The following KPNA7 variants were observed in gnomAD, a reference collection of about 807,000 sequenced individuals.
KPNA7 encodes karyopherin subunit alpha 7.
In KPNA7, 54 loss-of-function variants were observed where a neutral mutation model predicts 53.7. The ratio of observed to expected loss-of-function variants is 1.01; its 90% CI spans 0.81 to 1.26. KPNA7 has a LOEUF of 1.26. KPNA7 is among the 50% of genes most tolerant of loss of function. KPNA7 has a pLI of 0.00. For synonymous variants in KPNA7, 276 were observed against 259.3 expected (o/e 1.06, Z -0.62); for missense variants, 640 against 644.5 (o/e 0.99, Z 0.07).
At chr7:99,193,425 C>T (rs1382467637) in intron 5 of KPNA7, among the ~76,000 whole-genome samples, 1 of 152,196 alleles carries the variant, frequency 6.6e-6, no homozygotes, top group African/African-American at 2.4e-5. Flanking sequence ...TCCCAGAAGA[C>T]CTTGGCACAG....
upstream of KPNA7, among the ~76,000 whole-genome samples, chr7:99,209,682 C>CAAAAAAAAAAA (rs60377276): frequency 4.5e-4 from 33 of 73,528 alleles, no homozygotes; most frequent in African/African-American, 1.4e-3. Flanking sequence ...GACTCCAACT[C>CAAAAAAAAAAA]AAAAAAAAAA....
At chr7:99,206,047 T>TAC (rs1442523266) in intron 2 of KPNA7, among the ~76,000 whole-genome samples, 1 of 152,172 alleles carries the variant, frequency 6.6e-6, no homozygotes, top group Non-Finnish European at 1.5e-5. Flanking sequence ...CTGTTGGCCA[T>TAC]ACCTATATGC....
the KPNA7 span, among the ~76,000 whole-genome samples, chr7:99,152,170 C>T: frequency 1.3e-4 from 20 of 151,824 alleles, no homozygotes; most frequent in Non-Finnish European, 2.5e-4. Context: ...GGCGACAGAG[C>T]GAGATTCTGT....
In KPNA7 at chr7:99,207,297, T is replaced by C; in HGVS notation, c.66+104A>G. The C allele has an allele frequency of 3.4e-6, 3 of 882,970 alleles. No homozygotes were observed. In the South Asian group the frequency reaches 4.3e-5, roughly 13 times the overall value. The allele number at this position is 882,970 out of a possible 1,614,324, so 54.7% of individuals were successfully genotyped here. On this transcript the variant is annotated intron_variant, in intron 2 of 10. Coordinates refer to ENST00000327442, the MANE Select transcript of KPNA7 (RefSeq NM_001145715.3). ...ATCTGCCCGTCTCAGCCTCTCAAAG[T>C]GTTGGGATTACAGGCATGAGCCACC...
intron 3 of KPNA7, among the ~76,000 whole-genome samples, chr7:99,201,685 A>AC (rs1790544872): frequency 6.7e-6 from 1 of 148,672 alleles, no homozygotes; most frequent in Non-Finnish European, 1.5e-5. Context: ...CTAATATGGG[A>AC]CCAAAAGAAA....
At chr7:99,154,818 C>A in the KPNA7 span, among the ~76,000 whole-genome samples, 1 of 152,034 alleles carries the variant, frequency 6.6e-6, no homozygotes, top group South Asian at 2.1e-4. Flanking sequence ...AGTCTTGAAT[C>A]TATGTTCATG....
chr7:99,148,895 G>GTTTTTT, the KPNA7 span, among the ~76,000 whole-genome samples: 2 of 112,582 alleles, frequency 1.8e-5, no homozygotes, highest in African/African-American at 3.6e-5. Flanking sequence ...CCCAAGAACC[G>GTTTTTT]TTTTTTTTTT....
At chr7:99,170,989 A>G (rs986793545), downstream of KPNA7, among the ~76,000 whole-genome samples, 3 of 152,110 alleles carry the variant, frequency 2.0e-5, no homozygotes, top group Non-Finnish European at 4.4e-5. Flanking sequence ...TCACACCTGC[A>G]ATCCCACTGA....
upstream of KPNA7, among the ~76,000 whole-genome samples, chr7:99,209,302 C>A (rs904575729): frequency 6.6e-5 from 10 of 152,104 alleles, no homozygotes; most frequent in Admixed American, 3.3e-4. Context: ...CAGTCTCAAG[C>A]ACAAGTCACT....
chr7:99,218,922 C>T (rs1380459016), intron 1 of KPNA7, among the ~76,000 whole-genome samples: 1 of 152,258 alleles, frequency 6.6e-6, no homozygotes, highest in Non-Finnish European at 1.5e-5. Context: ...CACATTCGCA[C>T]TTTCTCACAC....
At chr7:99,165,302 T>TA in the KPNA7 span, among the ~76,000 whole-genome samples, 95 of 145,330 alleles carry the variant, frequency 6.5e-4, no homozygotes, top group Non-Finnish European at 8.6e-4. Flanking sequence ...CTTGCCTTTT[T>TA]AAAAAAAAAA....
the KPNA7 span, among the ~76,000 whole-genome samples, chr7:99,152,333 G>A: frequency 6.9e-6 from 1 of 144,688 alleles, no homozygotes; most frequent in Non-Finnish European, 1.5e-5. Flanking sequence ...CTGCACTCCC[G>A]ACAGAGCGAG....
intron 10 of KPNA7, among the ~76,000 whole-genome samples, chr7:99,175,905 TG>T (rs1563063407): frequency 6.6e-6 from 1 of 152,158 alleles, no homozygotes; most frequent in Admixed American, 6.6e-5. Context: ...TTTATTTTGC[TG>T]GTAAGTCACC....
At chr7:99,202,999 C>A in intron 3 of KPNA7, 107 bp downstream of exon 3, 1 of 1,364,694 alleles carries the variant, frequency 7.3e-7, no homozygotes, top group Non-Finnish European at 9.9e-7. Context: ...TCTTTAAAAG[C>A]CCAAAACGAG....
chr7:99,173,725 A>C lies in KPNA7; in HGVS notation c.1534T>G (p.Cys512Gly). 4 of 1,551,038 alleles carry C rather than the reference A, an allele frequency of 2.6e-6. No individual in the cohort carries two copies. The highest frequency in any genetic ancestry group is 3.5e-6 in the Non-Finnish European group (4 of 1,146,424). ...DQDYEFIDYECLAKK is the reference protein window; with the variant it reads ...DQDYEFIDYEGLAKK ...GAGCTTGGCTATTTTTTTGCTAAGC[A>C]TTCATAATCTATAAATTCATAATCT... The change falls in exon 11 of 11, where the codon TGC (cysteine) becomes GGC (glycine). Residue 512 changes from cysteine (C) to glycine (G), a missense_variant. Transcript: ENST00000327442.
chr7:99,174,938 G>A (rs1050727821), intron 10 of KPNA7, among the ~76,000 whole-genome samples: 1 of 152,022 alleles, frequency 6.6e-6, no homozygotes, highest in East Asian at 1.9e-4. Flanking sequence ...AGCCTCCTGA[G>A]TAGCTGGGAT....
chr7:99,167,451 A>T, the KPNA7 span, among the ~76,000 whole-genome samples: 5 of 151,908 alleles, frequency 3.3e-5, no homozygotes, highest in African/African-American at 1.2e-4. Flanking sequence ...CATGCAAGGG[A>T]TCTAGACTGC....
chr7:99,177,113 A>T (rs755094016), intron 10 of KPNA7, among the ~76,000 whole-genome samples: 1 of 152,312 alleles, frequency 6.6e-6, no homozygotes, highest in East Asian at 1.9e-4. Flanking sequence ...AAGAGGAAAT[A>T]TATCAGTCAC....
chr7:99,175,509 A>AT (rs1156336039), intron 10 of KPNA7, among the ~76,000 whole-genome samples: 1 of 138,682 alleles, frequency 7.2e-6, no homozygotes, highest in Admixed American at 7.3e-5. Flanking sequence ...TTATTTATTT[A>AT]TTTATTTATT....
Sources: allele counts gnomAD v4.1 joint callset (sites outside exome capture counted in the v4.1 genomes callset), GRCh38; gene constraint gnomAD v4.1.1; transcripts MANE v1.5; gene names NCBI Gene and HGNC (gene_info 2026-07-23, HGNC 2026-07-21).